PPM1H: variants seen among roughly 807,000 people sequenced by gnomAD.
PPM1H encodes protein phosphatase, Mg2+/Mn2+ dependent 1H.
PPM1H carries 27 observed loss-of-function variants against 54.9 expected under a neutral mutation model. The ratio of observed to expected loss-of-function variants is 0.49; its 90% CI spans 0.36 to 0.68. The LOEUF (loss-of-function observed/expected upper bound fraction) is 0.68. PPM1H is among the 30% of genes least tolerant of loss of function. The pLI, the probability that PPM1H is intolerant of heterozygous loss-of-function variation, is 0.00. For synonymous variants in PPM1H, 305 were observed against 270.8 expected (o/e 1.13, Z -1.24); for missense variants, 596 against 667.8 (o/e 0.89, Z 1.19).
chr12:62,827,324 T>G (rs564193314), intron 2 of PPM1H, among the ~76,000 whole-genome samples: 30 of 152,182 alleles, frequency 2.0e-4, no homozygotes, highest in Non-Finnish European at 5.9e-5. Flanking sequence ...TTGCTCACCT[T>G]AACTGTATCT....
intron 5 of PPM1H, among the ~76,000 whole-genome samples, chr12:62,722,087 C>T (rs1049583252): frequency 1.3e-5 from 2 of 152,050 alleles, no homozygotes; most frequent in East Asian, 1.9e-4. Context: ...CCTCCGCGAC[C>T]GCACAAGTCA....
intron 3 of PPM1H, among the ~76,000 whole-genome samples, chr12:62,792,872 T>C (rs1299470384): frequency 6.6e-6 from 1 of 152,214 alleles, no homozygotes; most frequent in Non-Finnish European, 1.5e-5. Flanking sequence ...AAACATGATA[T>C]ATTAAGTCAA....
chr12:62,782,168 T>G (rs1221290572), intron 4 of PPM1H, among the ~76,000 whole-genome samples: 2 of 152,250 alleles, frequency 1.3e-5, no homozygotes, highest in South Asian at 4.1e-4. Context: ...TGTGGATAGA[T>G]GAACCACTTA....
At chr12:62,713,112 T>G (rs1457233302) in intron 6 of PPM1H, among the ~76,000 whole-genome samples, 1 of 152,210 alleles carries the variant, frequency 6.6e-6, no homozygotes, top group African/African-American at 2.4e-5. Context: ...TGTGTGGAAC[T>G]ATCTCCAGTG....
intron 2 of PPM1H, among the ~76,000 whole-genome samples, chr12:62,817,544 C>T (rs1406298676): frequency 6.6e-6 from 1 of 150,900 alleles, no homozygotes; most frequent in Non-Finnish European, 1.5e-5. Context: ...GAACAAGGAA[C>T]AAAATTTTAG....
intron 2 of PPM1H, among the ~76,000 whole-genome samples, chr12:62,825,434 G>A (rs563412327): frequency 3.3e-5 from 5 of 152,272 alleles, no homozygotes; most frequent in South Asian, 2.1e-4. Context: ...ACATGCACAC[G>A]TATGTTTATT....
chr12:62,689,716 G>A lies in PPM1H; in HGVS notation c.1228C>T (p.Leu410=), dbSNP rs2076072875. 1 of 1,613,482 alleles carries A rather than the reference G, an allele frequency of 6.2e-7. No individual in the cohort carries two copies. Among genetic ancestry groups the A allele is most frequent in the East Asian group, 2.2e-5 (1 of 44,870 alleles). ...TGCGGTACCTCTGGAGCTGAAGACA[G>A]GAATGGTTTAATGTAGATGTTGGAG... is the stretch of plus-strand genomic sequence containing the variant. The part of the protein sequence containing the change: ...HDSNIYIKPF[L]SSAPEVRIYD... Residue 410 remains leucine (L), a synonymous_variant, in exon 8 of 10, where the codon CTG becomes TTG. Transcript: ENST00000228705.
At chr12:62,712,961 C>T (rs1269590175) in intron 6 of PPM1H, among the ~76,000 whole-genome samples, 8 of 152,338 alleles carry the variant, frequency 5.3e-5, no homozygotes, top group Middle Eastern at 3.4e-3. Flanking sequence ...CATAAGCATT[C>T]TGTGGCGTTT....
chr12:62,788,424 ACT>A (rs1392866095), intron 3 of PPM1H, 86 bp from the exon 4 acceptor site: 11 of 804,980 alleles, frequency 1.4e-5, no homozygotes, highest in Admixed American at 2.3e-5. Flanking sequence ...CAGTCCCCAG[ACT>A]CTGAATGTGC....
intron 4 of PPM1H, among the ~76,000 whole-genome samples, chr12:62,784,570 A>C (rs987671218): frequency 6.6e-6 from 1 of 152,220 alleles, no homozygotes; most frequent in Non-Finnish European, 1.5e-5. Context: ...CAATAAAGAA[A>C]ACTTAGCCCT....
At chr12:62,700,953 AC>A (rs2076140753) in intron 6 of PPM1H, among the ~76,000 whole-genome samples, 1 of 152,044 alleles carries the variant, frequency 6.6e-6, no homozygotes, top group South Asian at 2.1e-4. Context: ...CCACCACCTA[AC>A]AGTTAAAGAA....
intron 3 of PPM1H, among the ~76,000 whole-genome samples, chr12:62,793,739 T>TAAAAAAAAAAAAA (rs2076714193): frequency 1.9e-5 from 1 of 51,422 alleles, no homozygotes; most frequent in African/African-American, 9.2e-5. Context: ...AAACTCCGTT[T>TAAAAAAAAAAAAA]CAAAAAAAAA....
At chr12:62,766,314 C>A (rs1350721133) in intron 4 of PPM1H, among the ~76,000 whole-genome samples, 3 of 152,106 alleles carry the variant, frequency 2.0e-5, no homozygotes, top group Admixed American at 6.5e-5. Context: ...TTTATCCATA[C>A]TTAACCTTTA....
At chr12:62,797,097 A>G (rs1032627875) in intron 3 of PPM1H, among the ~76,000 whole-genome samples, 1 of 152,192 alleles carries the variant, frequency 6.6e-6, no homozygotes, top group Admixed American at 6.5e-5. Flanking sequence ...TTGAGGGACA[A>G]GACAAACAGA....
chr12:62,767,377 G>C (rs2076550536), intron 4 of PPM1H, among the ~76,000 whole-genome samples: 1 of 152,182 alleles, frequency 6.6e-6, no homozygotes, highest in Non-Finnish European at 1.5e-5. Context: ...CAGAGAGATT[G>C]TTTCAAGAGG....
At chr12:62,736,339 C>T (rs932077521) in intron 5 of PPM1H, among the ~76,000 whole-genome samples, 1 of 152,188 alleles carries the variant, frequency 6.6e-6, no homozygotes, top group African/African-American at 2.4e-5. Context: ...CAGTGGGGTC[C>T]TTTCCACCGG....
At chr12:62,787,591 G>A (rs1252794254) in intron 4 of PPM1H, among the ~76,000 whole-genome samples, 1 of 152,188 alleles carries the variant, frequency 6.6e-6, no homozygotes, top group Non-Finnish European at 1.5e-5. Context: ...CTGCTGAGGT[G>A]GGAGGATTGT....
At chr12:62,683,063 A>G (rs1242182827) in intron 8 of PPM1H, among the ~76,000 whole-genome samples, 1 of 145,140 alleles carries the variant, frequency 6.9e-6, no homozygotes, top group Non-Finnish European at 1.5e-5. Context: ...TATTATTATT[A>G]TTATTATTAT....
intron 3 of PPM1H, among the ~76,000 whole-genome samples, chr12:62,798,111 C>T (rs1244628180): frequency 1.3e-5 from 2 of 152,110 alleles, no homozygotes; most frequent in African/African-American, 4.8e-5. Flanking sequence ...AGGGTAAGGA[C>T]ATGCCTGGAA....
Sources: gnomAD v4.1 joint callset for allele counts (sites outside exome capture counted in the v4.1 genomes callset) on GRCh38, gnomAD v4.1.1 for gene constraint, MANE v1.5 for transcripts, NCBI Gene and HGNC (gene_info 2026-07-23, HGNC 2026-07-21) for gene names.